CREB5: variants seen among roughly 807,000 people sequenced by gnomAD.
The protein encoded by CREB5 is cyclic AMP-responsive element-binding protein 5.
A neutral mutation model predicts 57.1 loss-of-function variants in CREB5; 19 were observed. The ratio of observed to expected loss-of-function variants is 0.33; its 90% CI spans 0.23 to 0.49. The LOEUF is 0.49. CREB5 is among the 20% of genes least tolerant of loss of function. The pLI is 0.99. For missense variants in CREB5, 579 were observed against 671.6 expected (o/e 0.86, Z 1.52); for synonymous variants, 238 against 238.3 (o/e 1.00, Z 0.01).
At chr7:28,688,040 T>G (rs1801041747) in intron 5 of CREB5, among the ~76,000 whole-genome samples, 1 of 152,204 alleles carries the variant, frequency 6.6e-6, no homozygotes, top group African/African-American at 2.4e-5. Context: ...TACAGAGTAT[T>G]TAGCATAGCT....
At chr7:28,770,697 G>A (rs1430780369) in intron 7 of CREB5, among the ~76,000 whole-genome samples, 1 of 152,126 alleles carries the variant, frequency 6.6e-6, no homozygotes, top group African/African-American at 2.4e-5. Flanking sequence ...TTTTAGTTGC[G>A]ACATTAGCAG....
chr7:28,632,894 C>G (rs966060172), intron 5 of CREB5, among the ~76,000 whole-genome samples: 1 of 152,096 alleles, frequency 6.6e-6, no homozygotes, highest in Non-Finnish European at 1.5e-5. Flanking sequence ...ACCGTAAGTT[C>G]AAGGCTGGCA....
At chr7:28,692,424 CT>C (rs1801326123) in intron 5 of CREB5, among the ~76,000 whole-genome samples, 1 of 152,142 alleles carries the variant, frequency 6.6e-6, no homozygotes, top group Non-Finnish European at 1.5e-5. Context: ...TGGTGAAACC[CT>C]GTCTCTACTA....
intron 1 of CREB5, among the ~76,000 whole-genome samples, chr7:28,471,473 T>A (rs1210100455): frequency 1.3e-5 from 2 of 152,178 alleles, no homozygotes; most frequent in Non-Finnish European, 2.9e-5. Context: ...TCGGTTACTA[T>A]AGCTCAGTAT....
In CREB5 at chr7:28,724,337, G is replaced by C; in HGVS notation, c.702+5G>C. The C allele has an allele frequency of 1.2e-6, 2 of 1,607,090 alleles. No individual in the cohort carries two copies. The highest frequency in any genetic ancestry group is 1.7e-6 in the Non-Finnish European group (2 of 1,173,998). Reference sequence around the variant, plus strand: ...ATGCATTCAGAAGCCAAAATGGTAAGTAACAGTTATAATCACCCTTTCATT... The same window carrying C: ...ATGCATTCAGAAGCCAAAATGGTAACTAACAGTTATAATCACCCTTTCATT... On this transcript the variant is annotated splice_donor_5th_base_variant and intron_variant, in intron 7 of 10. Transcript: ENST00000357727.
chr7:28,371,584 G>A (rs1786706952), intron 1 of CREB5, among the ~76,000 whole-genome samples: 1 of 151,898 alleles, frequency 6.6e-6, no homozygotes. Flanking sequence ...GGAAAGCCCT[G>A]CGGGCAGCAC....
At chr7:28,540,681 A>G (rs1794168835) in intron 4 of CREB5, among the ~76,000 whole-genome samples, 1 of 152,064 alleles carries the variant, frequency 6.6e-6, no homozygotes. Flanking sequence ...GTTCTGGCAT[A>G]TTTGTTTTCC....
intron 7 of CREB5, among the ~76,000 whole-genome samples, chr7:28,774,846 C>T (rs1487467462): frequency 6.6e-6 from 1 of 152,158 alleles, no homozygotes; most frequent in South Asian, 2.1e-4. Flanking sequence ...AGCTGGCAGT[C>T]CTCAAACAGA....
At chr7:28,412,975 A>G (rs576042265) in intron 1 of CREB5, 58 bp downstream of exon 1, 14 of 1,349,008 alleles carry the variant, frequency 1.0e-5, no homozygotes, top group African/African-American at 1.5e-5. Flanking sequence ...ACTTAGTTAA[A>G]TAGAACCAAT....
intron 5 of CREB5, among the ~76,000 whole-genome samples, chr7:28,672,186 AAAAC>A (rs1327588488): frequency 4.2e-5 from 6 of 141,882 alleles, no homozygotes; most frequent in Non-Finnish European, 4.7e-5. Flanking sequence ...AAAAAAAAAA[AAAAC>A]ACACACACAC....
intron 1 of CREB5, among the ~76,000 whole-genome samples, chr7:28,443,084 A>G (rs1204585824): frequency 6.6e-6 from 1 of 152,136 alleles, no homozygotes; most frequent in Non-Finnish European, 1.5e-5. Flanking sequence ...ATTTCCCCCT[A>G]CTTGCAACCT....
intron 5 of CREB5, among the ~76,000 whole-genome samples, chr7:28,692,056 T>C (rs535823646): frequency 1.2e-4 from 18 of 150,062 alleles, no homozygotes; most frequent in Admixed American, 7.3e-4. Flanking sequence ...CGTGGTGGCA[T>C]GCGCACGTAG....
At chr7:28,303,463 GT>G (rs1317923742) in intron 1 of CREB5, among the ~76,000 whole-genome samples, 3 of 152,234 alleles carry the variant, frequency 2.0e-5, no homozygotes, top group African/African-American at 7.2e-5. Context: ...CCTTTATCTA[GT>G]TAACATTTGA....
chr7:28,488,736 G>A (rs993445975), intron 2 of CREB5, among the ~76,000 whole-genome samples: 1 of 152,188 alleles, frequency 6.6e-6, no homozygotes, highest in African/African-American at 2.4e-5. Flanking sequence ...GTTTTCCTAC[G>A]TATGTGAACT....
chr7:28,484,632 A>C (rs940774386), intron 1 of CREB5, among the ~76,000 whole-genome samples: 1 of 152,218 alleles, frequency 6.6e-6, no homozygotes, highest in South Asian at 2.1e-4. Context: ...TTGCTAAAAC[A>C]TATTTGGTCC....
intron 4 of CREB5, among the ~76,000 whole-genome samples, chr7:28,560,688 T>C (rs1163177448): frequency 6.6e-6 from 1 of 151,868 alleles, no homozygotes; most frequent in African/African-American, 2.4e-5. Flanking sequence ...AGCAGGATCA[T>C]GTGTTTAGTG....
chr7:28,563,746 A>T, intron 4 of CREB5, among the ~76,000 whole-genome samples: 1 of 152,194 alleles, frequency 6.6e-6, no homozygotes, highest in Non-Finnish European at 1.5e-5. Flanking sequence ...TAGAGTTTTC[A>T]TAGCCCCCCT....
chr7:28,714,629 C>T (rs1802576111), intron 5 of CREB5, among the ~76,000 whole-genome samples: 2 of 152,188 alleles, frequency 1.3e-5, no homozygotes, highest in African/African-American at 4.8e-5. Flanking sequence ...TGCTGCGGTG[C>T]CTATCATTCT....
intron 5 of CREB5, among the ~76,000 whole-genome samples, chr7:28,677,326 A>C (rs886834795): frequency 3.3e-5 from 5 of 152,188 alleles, no homozygotes; most frequent in Non-Finnish European, 5.9e-5. Flanking sequence ...ATAGCACCAC[A>C]GAAATAAGGC....
Sources: gnomAD v4.1 joint callset for allele counts (sites outside exome capture counted in the v4.1 genomes callset) on GRCh38, gnomAD v4.1.1 for gene constraint, MANE v1.5 for transcripts, NCBI Gene and HGNC (gene_info 2026-07-23, HGNC 2026-07-21) for gene names.